Variants in MCC observed in about 807,000 individuals in gnomAD.
The protein encoded by MCC is colorectal mutant cancer protein.
A neutral mutation model predicts 116.2 loss-of-function variants in MCC; 90 were observed. That is an observed-to-expected ratio of 0.77 (90% CI 0.65 to 0.92). The LOEUF (loss-of-function observed/expected upper bound fraction) is 0.92, where lower values mean the gene tolerates loss of function less well. Among genes scored for constraint, MCC ranks in the 40% least tolerant of loss-of-function variants. The probability of loss-of-function intolerance (pLI) is 0.00; values close to 1 mark genes in which losing one functional copy is unlikely to be tolerated. For synonymous variants in MCC, 578 were observed against 510.5 expected (o/e 1.13, Z -1.78); for missense variants, 1,516 against 1,312.2 (o/e 1.16, Z -2.40).
At chr5:113,247,129 A>G (rs1204211671) in intron 3 of MCC, among the ~76,000 whole-genome samples, 1 of 152,214 alleles carries the variant, frequency 6.6e-6, no homozygotes, top group Non-Finnish European at 1.5e-5. Context: ...GCCCTGGAGT[A>G]GTTTACACAT....
intron 1 of MCC, among the ~76,000 whole-genome samples, chr5:113,432,198 A>T (rs1449432833): frequency 2.0e-5 from 3 of 151,224 alleles, no homozygotes; most frequent in African/African-American, 7.3e-5. Flanking sequence ...CGTGCCTGTA[A>T]TCCCAGCTAC....
At chr5:113,040,100 A>G (rs1751597909) in intron 17 of MCC, among the ~76,000 whole-genome samples, 1 of 151,862 alleles carries the variant, frequency 6.6e-6, no homozygotes, top group African/African-American at 2.4e-5. Flanking sequence ...TGGCAATACC[A>G]CAGCCAACAA....
At chr5:113,411,102 C>T (rs1392321081) in intron 1 of MCC, among the ~76,000 whole-genome samples, 8 of 152,236 alleles carry the variant, frequency 5.3e-5, no homozygotes, top group Admixed American at 4.6e-4. Flanking sequence ...CATGATTTAT[C>T]ATCCTTTCGG....
intron 1 of MCC, among the ~76,000 whole-genome samples, chr5:113,448,845 C>T (rs1041755186): frequency 1.3e-5 from 2 of 152,214 alleles, no homozygotes; most frequent in African/African-American, 4.8e-5. Flanking sequence ...TCCAGGACAG[C>T]TCCACAAATA....
intron 1 of MCC, among the ~76,000 whole-genome samples, chr5:113,401,423 G>C (rs1769683505): frequency 6.6e-6 from 1 of 152,090 alleles, no homozygotes; most frequent in African/African-American, 2.4e-5. Context: ...AATGTTTTAG[G>C]CTAGGATCCA....
intron 3 of MCC, among the ~76,000 whole-genome samples, chr5:113,336,815 G>A (rs10042401): frequency 0.031 from 4,791 of 152,258 alleles, 213 homozygotes; most frequent in African/African-American, 0.097. Flanking sequence ...CATTGTGAAC[G>A]GTATGTTAAG....
chr5:113,045,342 AG>A (rs1751999078), intron 16 of MCC, among the ~76,000 whole-genome samples: 1 of 146,336 alleles, frequency 6.8e-6, no homozygotes, highest in Non-Finnish European at 1.6e-5. Flanking sequence ...CAGTGGAGCA[AG>A]AAAAAAGGTT....
intron 3 of MCC, among the ~76,000 whole-genome samples, chr5:113,339,386 C>T (rs1742294454): frequency 6.7e-6 from 1 of 148,712 alleles, no homozygotes; most frequent in African/African-American, 2.5e-5. Flanking sequence ...AACTAAAGTC[C>T]ATATTTTATC....
At chr5:113,058,453 T>C (rs1293331797) in intron 14 of MCC, among the ~76,000 whole-genome samples, 1 of 152,146 alleles carries the variant, frequency 6.6e-6, no homozygotes, top group Non-Finnish European at 1.5e-5. Flanking sequence ...CCCAGCAATC[T>C]GTGTTTTAAT....
intron 5 of MCC, among the ~76,000 whole-genome samples, chr5:113,128,322 T>C (rs1242437286): frequency 6.6e-6 from 1 of 152,254 alleles, no homozygotes; most frequent in Non-Finnish European, 1.5e-5. Context: ...TCCACCCTAC[T>C]TGACCTGGTG....
At chr5:113,095,668 A>C (rs1195712704) in intron 8 of MCC, among the ~76,000 whole-genome samples, 2 of 151,486 alleles carry the variant, frequency 1.3e-5, no homozygotes, top group Admixed American at 6.6e-5. Flanking sequence ...ATGGGTGCAC[A>C]CCATCACACT....
intron 1 of MCC, among the ~76,000 whole-genome samples, chr5:113,393,557 A>G (rs1769452651): frequency 6.6e-6 from 1 of 152,194 alleles, no homozygotes; most frequent in Non-Finnish European, 1.5e-5. Flanking sequence ...CATTGTTAAA[A>G]GGTTCAATCT....
At chr5:113,261,702 T>C (rs1281532563) in intron 3 of MCC, among the ~76,000 whole-genome samples, 1 of 152,196 alleles carries the variant, frequency 6.6e-6, no homozygotes, top group Non-Finnish European at 1.5e-5. Context: ...ATACACATCC[T>C]ATTTGACTAC....
At chr5:113,331,038 T>C (rs1335703022) in intron 3 of MCC, among the ~76,000 whole-genome samples, 1 of 152,202 alleles carries the variant, frequency 6.6e-6, no homozygotes, top group Non-Finnish European at 1.5e-5. Flanking sequence ...GCATACGCAC[T>C]AGCTAACCAG....
At chr5:113,452,100 A>T (rs961196653) in intron 1 of MCC, among the ~76,000 whole-genome samples, 2 of 152,216 alleles carry the variant, frequency 1.3e-5, no homozygotes, top group Non-Finnish European at 2.9e-5. Context: ...GCCTAGACTT[A>T]ATATGACTGG....
chr5:113,402,260 C>T (rs1041812402), intron 1 of MCC, among the ~76,000 whole-genome samples: 4 of 149,282 alleles, frequency 2.7e-5, no homozygotes, highest in African/African-American at 1.0e-4. Flanking sequence ...CGCCACTGCA[C>T]TCCAGCCTGG....
At chr5:113,300,845 T>C (rs982113044) in intron 3 of MCC, among the ~76,000 whole-genome samples, 2 of 152,158 alleles carry the variant, frequency 1.3e-5, no homozygotes, top group Non-Finnish European at 2.9e-5. Flanking sequence ...ACGGACATCA[T>C]TTGCTCAAGG....
At chr5:113,121,179 A>G (rs1178515385) in intron 6 of MCC, among the ~76,000 whole-genome samples, 2 of 152,204 alleles carry the variant, frequency 1.3e-5, no homozygotes, top group African/African-American at 2.4e-5. Flanking sequence ...TTGCCCATCT[A>G]GAGTTCTGCA....
At chr5:113,451,104 G>T (rs898094988) in intron 1 of MCC, among the ~76,000 whole-genome samples, 4 of 151,906 alleles carry the variant, frequency 2.6e-5, no homozygotes, top group African/African-American at 7.3e-5. Context: ...TCTGTAAGCA[G>T]AATTCAGGAA....
Sources: gnomAD v4.1 joint callset for allele counts (sites outside exome capture counted in the v4.1 genomes callset) on GRCh38, gnomAD v4.1.1 for gene constraint, MANE v1.5 for transcripts, NCBI Gene and HGNC (gene_info 2026-07-23, HGNC 2026-07-21) for gene names.